The following PARD3B variants were observed in gnomAD, a reference collection of about 807,000 sequenced individuals.
PARD3B encodes the protein partitioning defective 3 homolog B.
Under a neutral mutation model 130.2 loss-of-function variants are expected in PARD3B, and 103 were observed. The ratio of observed to expected loss-of-function variants is 0.79; its 90% confidence interval spans 0.67 to 0.93. PARD3B has a LOEUF of 0.93. Ranked by LOEUF, PARD3B falls within the 40% of genes least tolerant of loss-of-function variation. PARD3B has a pLI of 0.00. For missense variants in PARD3B, 1,609 were observed against 1,499.2 expected, an observed-to-expected ratio of 1.07 and a Z score of -1.21; for synonymous variants, 583 against 553.2, an observed-to-expected ratio of 1.05 and a Z score of -0.76.
intron 6 of PARD3B, among the ~76,000 whole-genome samples, chr2:205,117,475 C>T (rs1479652140): frequency 6.6e-6 from 1 of 152,150 alleles, no homozygotes; most frequent in Non-Finnish European, 1.5e-5. Flanking sequence ...GATGGGAGCT[C>T]ATTAAGGGGA....
At chr2:205,464,124 T>C (rs1288863171) in intron 20 of PARD3B, among the ~76,000 whole-genome samples, 10 of 152,082 alleles carry the variant, frequency 6.6e-5, no homozygotes, top group Admixed American at 2.6e-4. Context: ...CCAGCCCTCT[T>C]GGTGGTGGAA....
chr2:204,683,477 TAAAG>T (rs1307543678), intron 1 of PARD3B, among the ~76,000 whole-genome samples: 1 of 152,166 alleles, frequency 6.6e-6, no homozygotes, highest in African/African-American at 2.4e-5. Context: ...TTACATGCAT[TAAAG>T]AGTCAGGATA....
At chr2:204,777,366 G>T (rs1336012911) in intron 2 of PARD3B, among the ~76,000 whole-genome samples, 2 of 152,190 alleles carry the variant, frequency 1.3e-5, no homozygotes, top group African/African-American at 4.8e-5. Flanking sequence ...TAATGTGTAT[G>T]TTGGGGCTGT....
chr2:204,872,051 G>A (rs1329437109), intron 2 of PARD3B, among the ~76,000 whole-genome samples: 4 of 151,796 alleles, frequency 2.6e-5, no homozygotes, highest in South Asian at 4.2e-4. Flanking sequence ...AAAAACACCC[G>A]GCTACATATA....
rs1264686148 is a variant in PARD3B, at chr2:204,994,386, G to A, written c.394+29063G>A. On this transcript the variant is annotated intron_variant, in intron 3 of 22. Transcript: ENST00000406610. ...TTGTTCAGTTTCCATGTAGTTGAGC[G>A]GCTTTGAGTGAGATTCTTAATCCTG... Among the ~76,000 whole-genome samples the A allele has an allele frequency of 1.0e-4, 11 of 109,302 alleles. 1 individual carries two copies. The highest frequency in any genetic ancestry group is 1.5e-4 in the Non-Finnish European group (8 of 53,450). The allele number at this position is 109,302 out of a possible 152,430, so 71.7% of individuals were successfully genotyped here.
intron 2 of PARD3B, among the ~76,000 whole-genome samples, chr2:204,760,205 G>A (rs1430886435): frequency 6.6e-6 from 1 of 151,964 alleles, no homozygotes. Flanking sequence ...CACCTTAGTG[G>A]GTTGTAACAT....
intron 18 of PARD3B, among the ~76,000 whole-genome samples, chr2:205,323,215 C>A (rs1428243821): frequency 1.3e-5 from 2 of 151,790 alleles, no homozygotes; most frequent in African/African-American, 4.8e-5. Flanking sequence ...GGCCTAACAC[C>A]CCCTTTTAAC....
intron 1 of PARD3B, among the ~76,000 whole-genome samples, chr2:204,566,881 CTTT>C (rs1232686164): frequency 7.8e-5 from 11 of 140,320 alleles, no homozygotes; most frequent in African/African-American, 1.8e-4. Context: ...TTCTAAACCT[CTTT>C]TTTTTTTTTT....
intron 10 of PARD3B, among the ~76,000 whole-genome samples, chr2:205,135,641 T>A (rs2032418303): frequency 6.6e-6 from 1 of 151,992 alleles, no homozygotes; most frequent in South Asian, 2.1e-4. Flanking sequence ...CTGTTGCTAC[T>A]TACTTCTTCT....
chr2:204,776,509 T>A (rs1449502624), intron 2 of PARD3B, among the ~76,000 whole-genome samples: 2 of 152,112 alleles, frequency 1.3e-5, no homozygotes, highest in Admixed American at 6.6e-5. Context: ...TGATATTTTA[T>A]TATATTAGTT....
chr2:205,216,176 A>G (rs894455923), intron 15 of PARD3B, among the ~76,000 whole-genome samples: 4 of 152,168 alleles, frequency 2.6e-5, no homozygotes, highest in African/African-American at 7.2e-5. Context: ...GAAATTGCCT[A>G]TAGTATTCAC....
intron 2 of PARD3B, among the ~76,000 whole-genome samples, chr2:204,720,393 A>C (rs922734347): frequency 2.0e-5 from 3 of 152,164 alleles, no homozygotes; most frequent in Admixed American, 6.5e-5. Context: ...TGGGTCTTTT[A>C]AAATGTAAAT....
intron 15 of PARD3B, among the ~76,000 whole-genome samples, chr2:205,209,069 A>G (rs1314276637): frequency 1.6e-5 from 2 of 128,906 alleles, no homozygotes; most frequent in African/African-American, 3.2e-5. Flanking sequence ...AACGCCGCAT[A>G]TCTACAACTA....
chr2:205,284,341 T>G (rs2041305954), intron 16 of PARD3B, among the ~76,000 whole-genome samples: 1 of 152,176 alleles, frequency 6.6e-6, no homozygotes, highest in Non-Finnish European at 1.5e-5. Context: ...CCCTAAATAA[T>G]TATCTGCAAA....
chr2:204,680,226 G>T (rs1286757182), intron 1 of PARD3B, among the ~76,000 whole-genome samples: 1 of 151,968 alleles, frequency 6.6e-6, no homozygotes, highest in Non-Finnish European at 1.5e-5. Flanking sequence ...CATTTGGAAG[G>T]TTTTGAAACA....
intron 22 of PARD3B, among the ~76,000 whole-genome samples, chr2:205,583,197 G>A (rs2054059104): frequency 6.6e-6 from 1 of 152,218 alleles, no homozygotes; most frequent in African/African-American, 2.4e-5. Flanking sequence ...CAAGTACGCA[G>A]GCACTGCCTG....
chr2:204,654,474 T>C (rs768563809), intron 1 of PARD3B, among the ~76,000 whole-genome samples: 1 of 145,194 alleles, frequency 6.9e-6, no homozygotes, highest in Non-Finnish European at 1.5e-5. Context: ...GCTGGGGAAG[T>C]AAATGGAATG....
chr2:204,897,286 T>C (rs191483779), intron 2 of PARD3B, among the ~76,000 whole-genome samples: 137 of 152,160 alleles, frequency 9.0e-4, no homozygotes, highest in Non-Finnish European at 1.9e-3. Context: ...CCTGAATCAA[T>C]GTTTTAGAGG....
chr2:205,155,059 T>G (rs2034025544), intron 10 of PARD3B, among the ~76,000 whole-genome samples: 1 of 69,176 alleles, frequency 1.4e-5, no homozygotes, highest in Non-Finnish European at 3.5e-5. Context: ...TAAATTTCAT[T>G]TCAAAAAAAA....
Sources: gnomAD v4.1 joint callset for allele counts (sites outside exome capture counted in the v4.1 genomes callset) on GRCh38, gnomAD v4.1.1 for gene constraint, MANE v1.5 for transcripts, NCBI Gene and HGNC (gene_info 2026-07-23, HGNC 2026-07-21) for gene names.